Variants in GBE1 observed in about 807,000 individuals in gnomAD.
The protein encoded by GBE1 is 1,4-alpha-glucan-branching enzyme.
A neutral mutation model predicts 88.8 loss-of-function variants in GBE1; 70 were observed. The ratio of observed to expected loss-of-function variants is 0.79; its 90% CI spans 0.65 to 0.96. The LOEUF (loss-of-function observed/expected upper bound fraction) is 0.96. Ranked by LOEUF, GBE1 falls within the 40% of genes least tolerant of loss-of-function variation. The pLI is 0.00. For synonymous variants in GBE1, 284 were observed against 300.1 expected (o/e 0.95, Z 0.56); for missense variants, 872 against 871.0 (o/e 1.00, Z -0.01).
At chr3:81,515,724 C>A (rs1452674833) in intron 14 of GBE1, among the ~76,000 whole-genome samples, 2 of 151,612 alleles carry the variant, frequency 1.3e-5, no homozygotes, top group Non-Finnish European at 3.0e-5. Context: ...AGGAAAAGTT[C>A]TTCAAAGAAA....
intron 1 of GBE1, among the ~76,000 whole-genome samples, chr3:81,753,819 T>C (rs913803449): frequency 2.6e-5 from 4 of 152,180 alleles, no homozygotes; most frequent in African/African-American, 9.7e-5. Flanking sequence ...CTTCAGATTC[T>C]TCACTGCCTT....
intron 1 of GBE1, among the ~76,000 whole-genome samples, chr3:81,754,380 C>G (rs1706574111): frequency 6.6e-6 from 1 of 151,912 alleles, no homozygotes; most frequent in Admixed American, 6.6e-5. Context: ...AATGACAATA[C>G]TAGCCAAGCA....
chr3:81,647,353 T>A (rs1704779917), intron 5 of GBE1, among the ~76,000 whole-genome samples: 1 of 152,190 alleles, frequency 6.6e-6, no homozygotes, highest in Non-Finnish European at 1.5e-5. Context: ...TATATGCATG[T>A]ATGTGCATAT....
In GBE1 at chr3:81,495,602, T is replaced by C. The variant is rs559750330; in HGVS notation, c.2052+3508A>G. Among the ~76,000 whole-genome samples, 5 of 152,304 alleles carry C rather than the reference T, an allele frequency of 3.3e-5. No homozygotes were observed. In the East Asian group the frequency reaches 9.6e-4, roughly 29 times the overall value. On this transcript the variant is annotated intron_variant, in intron 15 of 15. Transcript: ENST00000429644. ...GTATTCTAATTCTCATTATTTTGCA[T>C]TGGGGTTAGGAGAAAAGTGACTCTA...
intron 1 of GBE1, among the ~76,000 whole-genome samples, chr3:81,755,974 C>T (rs188319879): frequency 1.3e-5 from 2 of 151,868 alleles, no homozygotes; most frequent in Non-Finnish European, 2.9e-5. Flanking sequence ...TGCTAACGTA[C>T]CAAATCCAAA....
intron 1 of GBE1, among the ~76,000 whole-genome samples, chr3:81,724,916 A>C (rs1287445990): frequency 6.6e-6 from 1 of 152,218 alleles, no homozygotes; most frequent in Non-Finnish European, 1.5e-5. Flanking sequence ...GTCCATCTGC[A>C]TCTCACTCAA....
At chr3:81,736,792 AACC>A (rs1236153098) in intron 1 of GBE1, among the ~76,000 whole-genome samples, 1 of 152,176 alleles carries the variant, frequency 6.6e-6, no homozygotes, top group Non-Finnish European at 1.5e-5. Context: ...TAAGCTATTA[AACC>A]ACCCATCTAG....
At chr3:81,735,550 C>T (rs1200075060) in intron 1 of GBE1, among the ~76,000 whole-genome samples, 3 of 152,170 alleles carry the variant, frequency 2.0e-5, no homozygotes, top group Non-Finnish European at 2.9e-5. Flanking sequence ...GCGGATGCAG[C>T]TGGAAGTCAA....
At chr3:81,592,584 C>T (rs1354263302) in intron 8 of GBE1, among the ~76,000 whole-genome samples, 1 of 151,960 alleles carries the variant, frequency 6.6e-6, no homozygotes, top group Non-Finnish European at 1.5e-5. Flanking sequence ...TTGTTTGTTG[C>T]TTTCTCTGTC....
intron 9 of GBE1, among the ~76,000 whole-genome samples, chr3:81,586,662 A>C (rs1490832756): frequency 6.6e-6 from 1 of 152,224 alleles, no homozygotes; most frequent in Admixed American, 6.5e-5. Context: ...ACAGTGAAAC[A>C]GTACAATAGC....
intron 14 of GBE1, among the ~76,000 whole-genome samples, chr3:81,514,109 C>T (rs1702761406): frequency 6.6e-6 from 1 of 151,480 alleles, no homozygotes; most frequent in South Asian, 2.1e-4. Flanking sequence ...AATGCTACTA[C>T]AGGAGAAAAT....
At chr3:81,625,638 C>T (rs556660445) in intron 7 of GBE1, among the ~76,000 whole-genome samples, 2 of 152,160 alleles carry the variant, frequency 1.3e-5, no homozygotes, top group South Asian at 2.1e-4. Context: ...GAAAGGGTTT[C>T]GCTATGTTAC....
At chr3:81,507,960 T>C (rs1237746177) in intron 14 of GBE1, among the ~76,000 whole-genome samples, 2 of 152,188 alleles carry the variant, frequency 1.3e-5, no homozygotes, top group African/African-American at 4.8e-5. Context: ...TCTTCGGCCA[T>C]ACATTTTTAG....
At chr3:81,664,972 A>G (rs1705090666) in intron 3 of GBE1, among the ~76,000 whole-genome samples, 1 of 152,196 alleles carries the variant, frequency 6.6e-6, no homozygotes, top group Non-Finnish European at 1.5e-5. Flanking sequence ...TCTTCAATTT[A>G]TATTATTTCA....
chr3:81,750,657 A>G lies in GBE1; in HGVS notation c.143+10718T>C, dbSNP rs867729257. ...TATATATATATATGTATATATATAT[A>G]TGTATATATATATATACGTATATAT... On this transcript the variant is annotated intron_variant, in intron 1 of 15. Transcript: ENST00000429644. 2.0e-3 allele frequency among the ~76,000 whole-genome samples: 93 copies of G among 45,916 alleles called. 7 individuals are homozygous for G. The highest frequency in any genetic ancestry group is 9.7e-3 in the East Asian group (3 of 308). 30.1% of individuals were successfully genotyped at this position (45,916 alleles called of 152,430 possible). A position where few individuals can be genotyped will look rare whatever the true frequency, so the allele number is the denominator to read the frequency against.
chr3:81,750,657 A>ACG lies in GBE1; in HGVS notation c.143+10717_143+10718insCG, dbSNP rs1706511355. On this transcript the variant is annotated intron_variant, in intron 1 of 15. Coordinates refer to ENST00000429644, the MANE Select transcript of GBE1 (RefSeq NM_000158.4). ...TATATATATATATGTATATATATAT[A>ACG]TGTATATATATATATACGTATATAT... 2.4e-4 allele frequency among the ~76,000 whole-genome samples: 11 copies of ACG among 45,962 alleles called. 1 individual carries two copies. The highest frequency in any genetic ancestry group is 5.0e-4 in the Admixed American group (2 of 3,966). 30.2% of individuals were successfully genotyped at this position (45,962 alleles called of 152,430 possible).
Position 81,537,091 on chromosome 3 carries a change from A to G in GBE1, c.1623T>C (p.Asn541=), listed in dbSNP as rs1703086869. 1 of 1,504,784 alleles carries G rather than the reference A, an allele frequency of 6.6e-7. No homozygotes were observed. Among genetic ancestry groups the G allele is most frequent in the African/African-American group, 1.4e-5 (1 of 69,308 alleles). 93.2% of individuals were successfully genotyped at this position (1,504,784 alleles called of 1,614,324 possible). A position where few individuals can be genotyped will look rare whatever the true frequency, so the allele number is the denominator to read the frequency against. Residue 541 remains asparagine, a synonymous_variant, in exon 13 of 16, where the codon AAT becomes AAC. Transcript: ENST00000429644. ...CTAACCATTCAGGATGCCCAAATTC[A>G]TTACCTGCATTACAAAACACATGCA... ...GGEGYLNFMG[N]EFGHPEWLDF...
intron 12 of GBE1, among the ~76,000 whole-genome samples, chr3:81,552,911 T>C (rs1314691769): frequency 6.6e-6 from 1 of 152,174 alleles, no homozygotes; most frequent in Non-Finnish European, 1.5e-5. Context: ...CCCTTCAATA[T>C]GGGAGGGAAC....
chr3:81,602,514 C>T (rs1464334203), intron 7 of GBE1, among the ~76,000 whole-genome samples: 1 of 152,206 alleles, frequency 6.6e-6, no homozygotes, highest in East Asian at 1.9e-4. Context: ...GGTCCTCTTA[C>T]GAGTTGCAAA....
Sources: allele counts gnomAD v4.1 joint callset (sites outside exome capture counted in the v4.1 genomes callset), GRCh38; gene constraint gnomAD v4.1.1; transcripts MANE v1.5; gene names NCBI Gene and HGNC (gene_info 2026-07-23, HGNC 2026-07-21).